Variants in NEFM observed in about 807,000 individuals in gnomAD.
The protein encoded by NEFM is neurofilament medium polypeptide.
NEFM carries 16 observed loss-of-function variants against 48.1 expected under a neutral mutation model. The observed-to-expected ratio is 0.33, with a 90% confidence interval of 0.23 to 0.51. NEFM has a LOEUF of 0.51. NEFM is among the 20% of genes least tolerant of loss of function. NEFM has a pLI of 0.98. For synonymous variants in NEFM, 465 were observed against 456.9 expected (o/e 1.02, Z -0.23); for missense variants, 1,107 against 1,136.0 (o/e 0.97, Z 0.37).
At position 24,913,813 on chromosome 8, in the gene NEFM, C is replaced by A; in HGVS notation, c.20C>A (p.Ser7Ter). Reference protein sequence around the residue: MSYTLDSLGNPSAYRRV... With the variant: MSYTLD ...TCCAAGATGAGCTACACGTTGGACTCGCTGGGCAACCCGTCCGCCTACCGG... is the reference window on the plus strand; with the variant it reads ...TCCAAGATGAGCTACACGTTGGACTAGCTGGGCAACCCGTCCGCCTACCGG... Residue 7 changes from serine to a stop codon, truncating the protein, a stop_gained, in exon 1 of 3, where the codon TCG becomes TAG. Transcript: ENST00000221166. LOFTEE classifies it high-confidence loss of function. 1 of 1,609,698 alleles carries A rather than the reference C, an allele frequency of 6.2e-7. No homozygotes were observed. Among genetic ancestry groups the A allele is most frequent in the Non-Finnish European group, 8.5e-7 (1 of 1,178,706 alleles).
In NEFM at chr8:24,917,074, G is replaced by A; in HGVS notation, c.1219G>A (p.Gly407Ser). Residue 407 changes from glycine to serine, a missense_variant, in exon 3 of 3, where the codon GGT becomes AGT. Coordinates refer to ENST00000221166, the MANE Select transcript of NEFM (RefSeq NM_005382.2). Reference protein sequence around the residue: ...EIAAYRKLLEGEETRFSTFAG... With the variant: ...EIAAYRKLLESEETRFSTFAG... ...TTTTCTCCTTAGAAAACTCCTGGAG[G>A]GTGAAGAGACTAGATTTAGCACATT... 6.2e-7 allele frequency: 1 copy of A among 1,614,142 alleles called. No homozygotes were observed. Among genetic ancestry groups the A allele is most frequent in the Non-Finnish European group, 8.5e-7 (1 of 1,180,032 alleles).
chr8:24,913,937 G>A lies in NEFM; in HGVS notation c.144G>A (p.Val48=). 1.2e-6 allele frequency: 2 copies of A among 1,611,504 alleles called. No homozygotes were observed. The highest frequency in any genetic ancestry group is 1.3e-5 in the African/African-American group (1 of 75,042). Residue 48 remains valine, a synonymous_variant, in exon 1 of 3, where the codon GTG becomes GTA. Coordinates refer to ENST00000221166, the MANE Select transcript of NEFM (RefSeq NM_005382.2). ...QSWSRGSPST[V]SSSYKRSMLA... is the part of the protein sequence containing the mutation. ...GGTCCCGCGGCTCGCCCAGCACCGT[G>A]TCCTCCTCCTATAAGCGCAGCATGC...
chr8:24,915,260 T>C lies in NEFM; in HGVS notation c.1081-345T>C, dbSNP rs986750302. On this transcript the variant is annotated intron_variant, in intron 1 of 2. Transcript: ENST00000221166. ...GCAGTGATCGGAAGAGCTCTCAAAA[T>C]TGGCTTCAGCCCAAAGGGCTCAGAT... is the stretch of plus-strand genomic sequence containing the variant. The C allele has an allele frequency of 1.2e-5, 15 of 1,261,722 alleles. No homozygotes were observed. The South Asian group carries it at 1.7e-4, about 14-fold the overall frequency. The allele number at this position is 1,261,722 out of a possible 1,614,324, so 78.2% of individuals were successfully genotyped here.
rs772355753 is a variant in NEFM at position 24,914,085 on chromosome 8, C to G, written c.292C>G (p.Arg98Gly). The change falls in exon 1 of 3, where the codon CGC becomes GGC. Residue 98 changes from arginine to glycine, a missense_variant. Arg to Gly is a moderately radical substitution (Grantham distance 125). Coordinates refer to ENST00000221166, the MANE Select transcript of NEFM (RefSeq NM_005382.2). ...SGPGGDYKLS[R>G]SNEKEQLQGL... ...ACCCGGCGGCGACTACAAGCTGTCCCGCTCCAACGAGAAGGAGCAGCTGCA... is the reference window on the plus strand; with the variant it reads ...ACCCGGCGGCGACTACAAGCTGTCCGGCTCCAACGAGAAGGAGCAGCTGCA... 3.7e-6 allele frequency: 6 copies of G among 1,612,888 alleles called. No individual in the cohort carries two copies. The highest frequency in any genetic ancestry group is 2.2e-5 in the East Asian group (1 of 44,874).
chr8:24,915,886 T>C (rs1802566426), intron 2 of NEFM, among the ~76,000 whole-genome samples, 157 bp downstream of exon 2: 1 of 152,236 alleles, frequency 6.6e-6, no homozygotes, highest in Non-Finnish European at 1.5e-5. Context: ...TCTAAAGAAT[T>C]GCAAGTGTAG....
rs1802591539 is a variant in NEFM at position 24,917,368 on chromosome 8, G to A, written c.1513G>A (p.Glu505Lys). The A allele has an allele frequency of 4.4e-6, 7 of 1,593,630 alleles. No homozygotes were observed. The highest frequency in any genetic ancestry group is 6.0e-6 in the Non-Finnish European group (7 of 1,169,292). ...KEEEPEAEEE[E>K]VAAKKSPVKA... ...AGAGGAACCCGAAGCTGAAGAAGAA[G>A]AAGTAGCTGCCAAAAAGTCTCCAGT... Residue 505 changes from glutamate to lysine, a missense_variant, in exon 3 of 3, where the codon GAA becomes AAA. Around this residue, in one of 3 missense-constraint regions of NEFM, gnomAD observed 917 missense variants for 916.4 expected, o/e 1.00. Coordinates refer to ENST00000221166, the MANE Select transcript of NEFM (RefSeq NM_005382.2).
chr8:24,914,444 G>T lies in NEFM; in HGVS notation c.651G>T (p.Lys217Asn), dbSNP rs753909269. Residue 217 changes from lysine (K) to asparagine (N), a missense_variant, in exon 1 of 3, where the codon AAG becomes AAT. Lys to Asn is a moderately conservative substitution (Grantham distance 94). Coordinates refer to ENST00000221166, the MANE Select transcript of NEFM (RefSeq NM_005382.2). Reference protein sequence around the residue: ...RKDIEEASLVKVELDKKVQSL... With the variant: ...RKDIEEASLVNVELDKKVQSL... ...ACATCGAGGAGGCGTCGCTGGTCAAGGTGGAGCTGGACAAGAAGGTGCAGT... is the reference window on the plus strand; with the variant it reads ...ACATCGAGGAGGCGTCGCTGGTCAATGTGGAGCTGGACAAGAAGGTGCAGT... 6.2e-7 allele frequency: 1 copy of T among 1,613,702 alleles called. No individual in the cohort carries two copies. Among genetic ancestry groups the T allele is most frequent in the Non-Finnish European group, 8.5e-7 (1 of 1,180,034 alleles).
Position 24,915,690 on chromosome 8 carries a change from A to AT in NEFM, c.1166_1167insT (p.Val390ArgfsTer19). 6.2e-7 allele frequency: 1 copy of AT among 1,614,104 alleles called. No homozygotes were observed. Among genetic ancestry groups the AT allele is most frequent in the African/African-American group, 1.3e-5 (1 of 75,032 alleles). Reference sequence around the variant, plus strand: ...TTGCGCGAATACCAGGACCTCCTCAACGTCAAGATGGCTCTGGATATAGAA... The same window carrying AT: ...TTGCGCGAATACCAGGACCTCCTCAATCGTCAAGATGGCTCTGGATATAGAA... On this transcript the variant is annotated frameshift_variant, in exon 2 of 3. Coordinates refer to ENST00000221166, the MANE Select transcript of NEFM (RefSeq NM_005382.2). LOFTEE classifies it low-confidence loss of function (END_TRUNC).
Position 24,917,155 on chromosome 8 carries a change from A to C in NEFM, c.1300A>C (p.Ser434Arg), listed in dbSNP as rs770034504. Reference protein sequence around the residue: ...YTHRPPITISSKIQKPKVEAP... With the variant: ...YTHRPPITISRKIQKPKVEAP... ...ACACCGACCCCCAATCACAATATCC[A>C]GTAAGATTCAGAAACCCAAGGTGGA... Residue 434 changes from serine (S) to arginine (R), a missense_variant, in exon 3 of 3, where the codon AGT (serine) becomes CGT (arginine). Physicochemically the swap from Ser to Arg is moderately radical, Grantham distance 110. This residue lies in a region of NEFM where 917 missense variants were observed against 916.4 expected (regional missense o/e 1.00). Transcript: ENST00000221166. 2 of 1,614,054 alleles carry C rather than the reference A, an allele frequency of 1.2e-6. No individual in the cohort carries two copies. The highest frequency in any genetic ancestry group is 2.7e-5 in the African/African-American group (2 of 74,912).
Position 24,913,871 on chromosome 8 carries a change from C to G in NEFM, c.78C>G (p.Arg26=). 1 of 1,609,904 alleles carries G rather than the reference C, an allele frequency of 6.2e-7. No homozygotes were observed. Among genetic ancestry groups the G allele is most frequent in the East Asian group, 2.2e-5 (1 of 44,846 alleles). ...CCGAGACCCGCTCGAGCTTCAGCCGCGTCAGCGGCTCCCCGTCCAGTGGCT... is the reference window on the plus strand; with the variant it reads ...CCGAGACCCGCTCGAGCTTCAGCCGGGTCAGCGGCTCCCCGTCCAGTGGCT... ...RVTETRSSFS[R]VSGSPSSGFR... The change falls in exon 1 of 3, where the codon CGC becomes CGG. Residue 26 remains arginine, a synonymous_variant. Coordinates refer to ENST00000221166, the MANE Select transcript of NEFM (RefSeq NM_005382.2).
At chr8:24,916,812 G>A (rs1802580683) in intron 2 of NEFM, among the ~76,000 whole-genome samples, 1 of 152,152 alleles carries the variant, frequency 6.6e-6, no homozygotes, top group Non-Finnish European at 1.5e-5. Context: ...TGTGGTTAGT[G>A]GACTATTGGG....
chr8:24,918,112 G>C lies in NEFM; in HGVS notation c.2257G>C (p.Val753Leu). The C allele has an allele frequency of 6.4e-7, 1 of 1,551,868 alleles. No individual in the cohort carries two copies. Among genetic ancestry groups the C allele is most frequent in the South Asian group, 1.2e-5 (1 of 84,132 alleles). ...AGAGGTGGTCACCATCACCAAATCGGTAAAGGTGCACTTGGAGAAAGAGAC... is the reference window on the plus strand; with the variant it reads ...AGAGGTGGTCACCATCACCAAATCGCTAAAGGTGCACTTGGAGAAAGAGAC... ...VAEVVTITKS[V>L]KVHLEKETKE... Residue 753 changes from valine (V) to leucine (L), a missense_variant, in exon 3 of 3, where the codon GTA (valine) becomes CTA (leucine). Val to Leu is a conservative substitution (Grantham distance 32, BLOSUM62 1). Around this residue, in one of 3 missense-constraint regions of NEFM, gnomAD observed 917 missense variants for 916.4 expected, o/e 1.00. Coordinates refer to ENST00000221166, the MANE Select transcript of NEFM (RefSeq NM_005382.2).
In NEFM at chr8:24,913,872, G is replaced by A. The variant is rs1284300446; in HGVS notation, c.79G>A (p.Val27Ile). The A allele has an allele frequency of 6.2e-7, 1 of 1,610,092 alleles. No homozygotes were observed. The highest frequency in any genetic ancestry group is 1.7e-5 in the Admixed American group (1 of 59,750). The change falls in exon 1 of 3, where the codon GTC becomes ATC. Residue 27 changes from valine (V) to isoleucine (I), a missense_variant. Val to Ile is a conservative substitution (Grantham distance 29). Transcript: ENST00000221166. ...VTETRSSFSR[V>I]SGSPSSGFRS... ...CGAGACCCGCTCGAGCTTCAGCCGC[G>A]TCAGCGGCTCCCCGTCCAGTGGCTT...
chr8:24,914,901 TGCGCCA>T (rs971262995), intron 1 of NEFM, 28 bp downstream of exon 1: 4 of 1,559,304 alleles, frequency 2.6e-6, no homozygotes, highest in African/African-American at 1.4e-5. Flanking sequence ...GCGGCCAGCC[TGCGCCA>T]GCGCCAGCGC....
In NEFM at chr8:24,917,941, G is replaced by A. The variant is rs773439115; in HGVS notation, c.2086G>A (p.Val696Met). The A allele has an allele frequency of 6.2e-7, 1 of 1,614,142 alleles. No individual in the cohort carries two copies. Among genetic ancestry groups the A allele is most frequent in the Non-Finnish European group, 8.5e-7 (1 of 1,180,014 alleles). ...GGAAGAGGCAAAGTCAAAAGCAGAAGTGGGGAAAGGTGAACAGAAAGAGGA... is the reference window on the plus strand; with the variant it reads ...GGAAGAGGCAAAGTCAAAAGCAGAAATGGGGAAAGGTGAACAGAAAGAGGA... Reference protein sequence around the residue: ...PVEEAKSKAEVGKGEQKEEEE... With the variant: ...PVEEAKSKAEMGKGEQKEEEE... Residue 696 changes from valine (V) to methionine (M), a missense_variant, in exon 3 of 3, where the codon GTG (valine) becomes ATG (methionine). Val to Met is a conservative substitution (Grantham distance 21). Transcript: ENST00000221166.
rs944891517 is a variant in NEFM at position 24,918,521 on chromosome 8, C to T, written c.2666C>T (p.Thr889Ile). ...CAAAAGGTTGAAGAGCATGAAGAGA[C>T]CTTTGAGGAGAAACTAGTGTCTACT... The part of the protein sequence containing the change: ...VTQKVEEHEE[T>I]FEEKLVSTKK... Residue 889 changes from threonine to isoleucine, a missense_variant, in exon 3 of 3, where the codon ACC (threonine) becomes ATC (isoleucine). Physicochemically the swap from Thr to Ile is moderately conservative, Grantham distance 89. Around this residue, in one of 3 missense-constraint regions of NEFM, gnomAD observed 917 missense variants for 916.4 expected, o/e 1.00. Coordinates refer to ENST00000221166, the MANE Select transcript of NEFM (RefSeq NM_005382.2). 2 of 1,613,930 alleles carry T rather than the reference C, an allele frequency of 1.2e-6. No homozygotes were observed. The highest frequency in any genetic ancestry group is 2.2e-5 in the East Asian group (1 of 44,870).
chr8:24,918,019 G>T lies in NEFM; in HGVS notation c.2164G>T (p.Glu722Ter). 1 of 1,579,076 alleles carries T rather than the reference G, an allele frequency of 6.3e-7. No individual in the cohort carries two copies. The highest frequency in any genetic ancestry group is 8.6e-7 in the Non-Finnish European group (1 of 1,161,598). Residue 722 changes from glutamate to a stop codon, truncating the protein, a stop_gained, in exon 3 of 3, where the codon GAA becomes TAA. Transcript: ENST00000221166. LOFTEE classifies it high-confidence loss of function. ...APKEEKVEKK[E>*]EKPKDVPEKK... Reference sequence around the variant, plus strand: ...CAAGGAAGAGAAGGTAGAGAAAAAGGAAGAGAAACCAAAGGATGTGCCAGA... The same window carrying T: ...CAAGGAAGAGAAGGTAGAGAAAAAGTAAGAGAAACCAAAGGATGTGCCAGA...
chr8:24,917,464 G>C lies in NEFM; in HGVS notation c.1609G>C (p.Glu537Gln). 6.4e-7 allele frequency: 1 copy of C among 1,555,382 alleles called. No homozygotes were observed. Among genetic ancestry groups the C allele is most frequent in the Non-Finnish European group, 8.7e-7 (1 of 1,148,930 alleles). ...GGAAGAAGAAGGCCAGGAAGAAGAGGAGGAAGAAGATGAGGGAGCTAAGTC... is the reference window on the plus strand; with the variant it reads ...GGAAGAAGAAGGCCAGGAAGAAGAGCAGGAAGAAGATGAGGGAGCTAAGTC... Reference protein sequence around the residue: ...KEEEEGQEEEEEEDEGAKSDQ... With the variant: ...KEEEEGQEEEQEEDEGAKSDQ... The change falls in exon 3 of 3, where the codon GAG becomes CAG. Residue 537 changes from glutamate to glutamine, a missense_variant. Physicochemically the swap from Glu to Gln is conservative, Grantham distance 29. Coordinates refer to ENST00000221166, the MANE Select transcript of NEFM (RefSeq NM_005382.2).
Position 24,918,718 on chromosome 8 carries a change from A to C in NEFM, c.*112A>C. On this transcript the variant is annotated 3_prime_UTR_variant, in exon 3 of 3. Coordinates refer to ENST00000221166, the MANE Select transcript of NEFM (RefSeq NM_005382.2). ...ATGGGGGCTCCAGACATTGTATTTT[A>C]CTTTGTGCAATATGAGGGGACTGCA... 1 of 839,404 alleles carries C rather than the reference A, an allele frequency of 1.2e-6. No homozygotes were observed. Among genetic ancestry groups the C allele is most frequent in the Non-Finnish European group, 2.0e-6 (1 of 491,340 alleles). 52.0% of individuals were successfully genotyped at this position (839,404 alleles called of 1,614,324 possible). A position where few individuals can be genotyped will look rare whatever the true frequency, so the allele number is the denominator to read the frequency against.
Sources: allele counts gnomAD v4.1 joint callset (sites outside exome capture counted in the v4.1 genomes callset), GRCh38; gene constraint gnomAD v4.1.1; regional missense constraint gnomAD v4.1.1; transcripts MANE v1.5; gene names NCBI Gene and HGNC (gene_info 2026-07-23, HGNC 2026-07-21).